POLA1: variants seen among roughly 807,000 people sequenced by gnomAD.
POLA1 encodes DNA polymerase alpha catalytic subunit.
Under a neutral mutation model 124.0 loss-of-function variants are expected in POLA1, and 15 were observed. The observed-to-expected ratio is 0.12, with a 90% CI of 0.08 to 0.19. The LOEUF is 0.19. POLA1 is among the 10% of genes least tolerant of loss of function. The pLI, the probability that POLA1 is intolerant of heterozygous loss-of-function variation, is 1.00. For missense variants in POLA1, 886 were observed against 1,103.4 expected (o/e 0.80, Z 2.79); for synonymous variants, 408 against 389.4 (o/e 1.05, Z -0.56).
chrX:24,810,958 AT>A (rs1190588693), intron 28 of POLA1, among the ~76,000 whole-genome samples, 158 bp downstream of exon 28: 2 of 110,399 alleles, frequency 1.8e-5, no homozygotes, highest in Non-Finnish European at 3.8e-5. Context: ...TTTCTTTATT[AT>A]TTTTTTCTGA....
At chrX:24,942,211 A>G (rs1018506153) in intron 36 of POLA1, among the ~76,000 whole-genome samples, 7 of 112,358 alleles carry the variant, frequency 6.2e-5, no homozygotes, top group African/African-American at 2.3e-4. Flanking sequence ...TCCATTGTAT[A>G]CGGATATGTA....
At chrX:24,802,140 C>G (rs1039384394) in intron 26 of POLA1, among the ~76,000 whole-genome samples, 1 of 110,518 alleles carries the variant, frequency 9.0e-6, no homozygotes, top group Non-Finnish European at 1.9e-5. Flanking sequence ...TGATGGGGCC[C>G]GCTCACACTG....
rs2045713434 is a variant in POLA1, at chrX:24,801,924, G to GTGTGTGTGT, written c.2965-7974_2965-7973insTGTGTGTGT. On this transcript the variant is annotated intron_variant, in intron 26 of 36. Transcript: ENST00000379068. Reference sequence around the variant, plus strand: ...ACAGAGCCACTAGGAGAGGTGGGTGGGTGTGTGTGTGTGTGTGTGTGTGTG... The same window carrying GTGTGTGTGT: ...ACAGAGCCACTAGGAGAGGTGGGTGGTGTGTGTGTGTGTGTGTGTGTGTGTGTGTGTGTG... 4.4e-3 allele frequency among the ~76,000 whole-genome samples: 331 copies of GTGTGTGTGT among 74,537 alleles called. 5 individuals carry two copies. The highest frequency in any genetic ancestry group is 0.011 in the African/African-American group (195 of 18,238). The allele number at this position is 74,537 out of a possible 115,157, so 64.7% of individuals were successfully genotyped here. A position where few individuals can be genotyped will look rare whatever the true frequency, so the allele number is the denominator to read the frequency against.
chrX:24,823,077 T>C (rs1230301684), intron 31 of POLA1, among the ~76,000 whole-genome samples: 1 of 112,264 alleles, frequency 8.9e-6, no homozygotes, highest in Non-Finnish European at 1.9e-5. Context: ...CTTATTGATA[T>C]GCATAGGCTC....
chrX:24,744,106 A>T (rs113389221), intron 23 of POLA1, among the ~76,000 whole-genome samples: 37 of 112,450 alleles, frequency 3.3e-4, no homozygotes, highest in African/African-American at 1.1e-3. Context: ...CCAAGTGTAC[A>T]GTTCAGCAGT....
chrX:24,918,106 C>T (rs1475039956), intron 35 of POLA1, among the ~76,000 whole-genome samples: 2 of 108,684 alleles, frequency 1.8e-5, no homozygotes, highest in African/African-American at 6.7e-5. Context: ...CCAAATGATA[C>T]CAAAAAGCAA....
At chrX:24,806,403 G>A (rs923855530) in intron 26 of POLA1, among the ~76,000 whole-genome samples, 3 of 110,265 alleles carry the variant, frequency 2.7e-5, no homozygotes, top group Admixed American at 1.9e-4. Context: ...CAGCTTTGGA[G>A]TGTTTCTGCT....
chrX:24,781,654 G>A (rs1280828118), intron 26 of POLA1, among the ~76,000 whole-genome samples: 2 of 111,358 alleles, frequency 1.8e-5, no homozygotes, highest in South Asian at 7.6e-4. Context: ...TTTAAAAAAC[G>A]AACATTTTGA....
intron 36 of POLA1, among the ~76,000 whole-genome samples, chrX:24,961,191 C>T (rs902828606): frequency 2.7e-5 from 3 of 111,008 alleles, no homozygotes; most frequent in East Asian, 2.8e-4. Flanking sequence ...ACTGTAAACT[C>T]GGGGATACTA....
intron 17 of POLA1, among the ~76,000 whole-genome samples, chrX:24,734,909 C>T (rs1261096393): frequency 1.8e-5 from 2 of 112,134 alleles, no homozygotes; most frequent in African/African-American, 6.5e-5. Flanking sequence ...AGCCACTGCG[C>T]CCAGCCACTT....
rs753451334 is a variant in POLA1, at chrX:24,951,675, TG to T, written c.4261+21127del. 1.3e-4 allele frequency among the ~76,000 whole-genome samples: 14 copies of T among 111,650 alleles called. No homozygotes were observed. In the East Asian group the frequency reaches 2.2e-3, roughly 18 times the overall value. ...TTCTGTGTCCCTATAAGGGTCTTCT[TG>T]AACATCTTAAAATATTAGTTATTAT... On this transcript the variant is annotated intron_variant, in intron 36 of 36. Coordinates refer to ENST00000379068, the MANE Select transcript of POLA1 (RefSeq NM_001330360.2).
intron 19 of POLA1, among the ~76,000 whole-genome samples, chrX:24,738,670 T>C (rs919660226): frequency 1.8e-5 from 2 of 111,657 alleles, no homozygotes; most frequent in African/African-American, 3.3e-5. Flanking sequence ...ATGTGTACTT[T>C]TCATTCTGCC....
chrX:24,734,555 A>C (rs1329273964), intron 17 of POLA1, among the ~76,000 whole-genome samples: 1 of 111,446 alleles, frequency 9.0e-6, no homozygotes, highest in Non-Finnish European at 1.9e-5. Flanking sequence ...TTAGGCTATT[A>C]TTTGTGAAGT....
At chrX:24,803,585 C>G (rs1214960041) in intron 26 of POLA1, among the ~76,000 whole-genome samples, 1 of 111,020 alleles carries the variant, frequency 9.0e-6, no homozygotes, top group African/African-American at 3.3e-5. Context: ...CTTGTGAGAA[C>G]TTACGTGTTT....
intron 36 of POLA1, among the ~76,000 whole-genome samples, chrX:24,977,366 T>C (rs1421282923): frequency 8.9e-6 from 1 of 112,890 alleles, no homozygotes; most frequent in African/African-American, 3.2e-5. Flanking sequence ...TGTTCTACTG[T>C]CATCTTTTTT....
intron 34 of POLA1, among the ~76,000 whole-genome samples, chrX:24,860,113 G>A (rs1366425459): frequency 8.9e-6 from 1 of 112,421 alleles, no homozygotes; most frequent in Non-Finnish European, 1.9e-5. Context: ...TAGCACCAAG[G>A]CTGATTTTCA....
At chrX:24,961,042 C>T (rs1485192291) in intron 36 of POLA1, among the ~76,000 whole-genome samples, 1 of 112,364 alleles carries the variant, frequency 8.9e-6, no homozygotes, top group Non-Finnish European at 1.9e-5. Flanking sequence ...GACACTTCTA[C>T]TTCCAGTGTA....
chrX:24,972,070 G>A (rs2048310030), intron 36 of POLA1, among the ~76,000 whole-genome samples: 1 of 110,243 alleles, frequency 9.1e-6, no homozygotes, highest in Non-Finnish European at 1.9e-5. Flanking sequence ...TCAGGTTCAA[G>A]CGATTCTCCT....
intron 1 of POLA1, among the ~76,000 whole-genome samples, chrX:24,697,332 A>C (rs758386941): frequency 7.2e-5 from 8 of 111,511 alleles, no homozygotes; most frequent in African/African-American, 2.3e-4. Context: ...GGGAGTCTTG[A>C]GGGGAATCGC....
Sources: allele counts gnomAD v4.1 joint callset (sites outside exome capture counted in the v4.1 genomes callset), GRCh38; gene constraint gnomAD v4.1.1; transcripts MANE v1.5; gene names NCBI Gene and HGNC (gene_info 2026-07-23, HGNC 2026-07-21).